Variants in CNTN5 observed in about 807,000 individuals in gnomAD.
CNTN5 encodes contactin 5, also known as contactin-5.
In CNTN5, 77 loss-of-function variants were observed where a neutral mutation model predicts 129.1. The observed-to-expected ratio is 0.60, with a 90% CI of 0.50 to 0.72. The LOEUF (loss-of-function observed/expected upper bound fraction) is 0.72, where lower values mean the gene tolerates loss of function less well. Ranked by LOEUF, CNTN5 falls within the 30% of genes least tolerant of loss-of-function variation. The pLI is 0.00. For synonymous variants in CNTN5, 509 were observed against 465.6 expected (o/e 1.09, Z -1.20); for missense variants, 1,478 against 1,328.8 (o/e 1.11, Z -1.75).
At chr11:99,376,055 TTGCGGATGA>T (rs1169250432) in intron 2 of CNTN5, among the ~76,000 whole-genome samples, 40 of 152,198 alleles carry the variant, frequency 2.6e-4, no homozygotes, top group Admixed American at 9.2e-4. Flanking sequence ...ACCAAAAAAC[TTGCGGATGA>T]TGCAAGGAAA....
At chr11:99,461,171 A>G (rs994406260) in intron 2 of CNTN5, among the ~76,000 whole-genome samples, 2 of 152,094 alleles carry the variant, frequency 1.3e-5, no homozygotes, top group East Asian at 1.9e-4. Flanking sequence ...TAGATGATAT[A>G]TAGTAACAGA....
chr11:100,148,896 A>G (rs1362794933), intron 13 of CNTN5, among the ~76,000 whole-genome samples: 1 of 145,296 alleles, frequency 6.9e-6, no homozygotes, highest in Non-Finnish European at 1.5e-5. Context: ...TGAGCTAACA[A>G]AAAAAAAAGA....
In CNTN5 at chr11:99,135,282, C is replaced by T. The variant is rs531474515; in HGVS notation, c.-210+114012C>T. 2.0e-4 allele frequency among the ~76,000 whole-genome samples: 31 copies of T among 152,248 alleles called. No homozygotes were observed. The South Asian group carries it at 6.0e-3, about 30-fold the overall frequency. On this transcript the variant is annotated intron_variant, in intron 1 of 24. Coordinates refer to ENST00000524871, the MANE Select transcript of CNTN5 (RefSeq NM_014361.4). ...AAATAAATAATTGATAATTGTAATA[C>T]ATCCTCTGCAGTAAATGAGTAGGCC...
intron 9 of CNTN5, among the ~76,000 whole-genome samples, chr11:100,038,274 G>T (rs566812490): frequency 1.3e-5 from 2 of 151,808 alleles, no homozygotes; most frequent in Non-Finnish European, 2.9e-5. Context: ...GTAGTTGAGC[G>T]GTTTTGAGTG....
At chr11:99,264,964 T>C (rs2135836070) in intron 1 of CNTN5, among the ~76,000 whole-genome samples, 1 of 152,146 alleles carries the variant, frequency 6.6e-6, no homozygotes, top group East Asian at 1.9e-4. Flanking sequence ...TGAAGATCCT[T>C]AGATACTTTT....
chr11:99,692,687 G>C (rs1174547380), intron 3 of CNTN5, among the ~76,000 whole-genome samples: 2 of 151,674 alleles, frequency 1.3e-5, no homozygotes, highest in Non-Finnish European at 2.9e-5. Context: ...TATTCCATCA[G>C]TGAAATGTTT....
intron 6 of CNTN5, among the ~76,000 whole-genome samples, chr11:99,859,242 T>A (rs1168289448): frequency 6.6e-6 from 1 of 152,234 alleles, no homozygotes; most frequent in Admixed American, 6.5e-5. Flanking sequence ...AAAAGGATCA[T>A]ATATCCTCTT....
At chr11:100,270,971 C>T (rs189916280) in intron 17 of CNTN5, 121 bp from the exon 18 acceptor site, 3 of 744,894 alleles carry the variant, frequency 4.0e-6, no homozygotes, top group African/African-American at 1.8e-5. Context: ...ACCATGACCA[C>T]GTGTCGTGAG....
At position 99,896,845 on chromosome 11, in the gene CNTN5, G is replaced by A. The variant is rs144119623; in HGVS notation, c.578-19209G>A. On this transcript the variant is annotated intron_variant, in intron 6 of 24. Coordinates refer to ENST00000524871, the MANE Select transcript of CNTN5 (RefSeq NM_014361.4). The stretch of plus-strand genomic sequence containing the variant: ...CCTGCTCTTCCAATGAAGGGCCCAC[G>A]TCACAGCTGCCCTGCCCCAGCCTGA... 7.3e-3 allele frequency among the ~76,000 whole-genome samples: 1,105 copies of A among 152,172 alleles called. 6 individuals are homozygous for A. The highest frequency in any genetic ancestry group is 0.013 in the Admixed American group (201 of 15,280).
At chr11:99,974,724 A>G (rs866051408) in intron 8 of CNTN5, among the ~76,000 whole-genome samples, 4 of 152,200 alleles carry the variant, frequency 2.6e-5, no homozygotes, top group Non-Finnish European at 4.4e-5. Flanking sequence ...TAGTGTGTTA[A>G]TTATCTGTCA....
At chr11:99,266,208 TA>T (rs1368272567) in intron 1 of CNTN5, among the ~76,000 whole-genome samples, 3 of 152,122 alleles carry the variant, frequency 2.0e-5, no homozygotes, top group African/African-American at 7.2e-5. Context: ...AATAAGTACA[TA>T]ATATCAATAC....
At chr11:100,300,289 A>C (rs1375358342) in intron 20 of CNTN5, among the ~76,000 whole-genome samples, 1 of 151,448 alleles carries the variant, frequency 6.6e-6, no homozygotes, top group Non-Finnish European at 1.5e-5. Context: ...TAGCCCCCTA[A>C]AGTTAGCTTT....
intron 2 of CNTN5, among the ~76,000 whole-genome samples, chr11:99,357,443 A>G (rs1938757004): frequency 6.6e-6 from 1 of 151,750 alleles, no homozygotes; most frequent in African/African-American, 2.4e-5. Context: ...TTGAAATTAC[A>G]GAACTCCTTT....
chr11:99,387,948 G>T (rs377016193), intron 2 of CNTN5, among the ~76,000 whole-genome samples: 2 of 146,850 alleles, frequency 1.4e-5, no homozygotes, highest in East Asian at 3.9e-4. Context: ...TGGGGGTGAG[G>T]TCCATGTATC....
intron 2 of CNTN5, among the ~76,000 whole-genome samples, chr11:99,550,651 T>C (rs561669036): frequency 6.6e-6 from 1 of 152,280 alleles, no homozygotes; most frequent in African/African-American, 2.4e-5. Flanking sequence ...CACATGCAAG[T>C]GGGAGTAGAA....
chr11:99,749,129 T>C (rs12574441), intron 3 of CNTN5, among the ~76,000 whole-genome samples: 50,402 of 152,020 alleles, frequency 0.33, 10,314 homozygotes, highest in East Asian at 0.73. Context: ...GTGGCTGAGA[T>C]AGTGATACTT....
intron 9 of CNTN5, among the ~76,000 whole-genome samples, chr11:100,045,519 T>C (rs1037780428): frequency 2.6e-5 from 4 of 152,070 alleles, no homozygotes; most frequent in African/African-American, 9.7e-5. Context: ...TAACAAGAAG[T>C]AGTTATCCTC....
intron 3 of CNTN5, among the ~76,000 whole-genome samples, chr11:99,778,160 TA>T (rs1391255358): frequency 2.6e-5 from 4 of 151,868 alleles, no homozygotes; most frequent in African/African-American, 9.7e-5. Context: ...ATCTCTTTCA[TA>T]AAACTACTGA....
At chr11:99,196,455 A>G (rs1858907640) in intron 1 of CNTN5, among the ~76,000 whole-genome samples, 2 of 151,718 alleles carry the variant, frequency 1.3e-5, no homozygotes, top group Admixed American at 1.3e-4. Context: ...TTTTTGTTTT[A>G]TGTTTAGATA....
Sources: gnomAD v4.1 joint callset for allele counts (sites outside exome capture counted in the v4.1 genomes callset) on GRCh38, gnomAD v4.1.1 for gene constraint, MANE v1.5 for transcripts, NCBI Gene and HGNC (gene_info 2026-07-23, HGNC 2026-07-21) for gene names.